Variants in RUNX2 observed in about 807,000 individuals in gnomAD.
RUNX2 encodes runt-related transcription factor 2.
Under a neutral mutation model 51.7 loss-of-function variants are expected in RUNX2, and 10 were observed. That is an observed-to-expected ratio of 0.19 (90% CI 0.12 to 0.33). RUNX2 has a LOEUF of 0.33. RUNX2 is among the 10% of genes least tolerant of loss of function. The probability of loss-of-function intolerance (pLI) is 1.00; values close to 1 mark genes in which losing one functional copy is unlikely to be tolerated. For missense variants in RUNX2, 562 were observed against 691.3 expected (o/e 0.81, Z 2.10); for synonymous variants, 276 against 273.6 (o/e 1.01, Z -0.09).
intron 2 of RUNX2, among the ~76,000 whole-genome samples, chr6:45,408,228 T>C (rs1212226228): frequency 3.3e-5 from 5 of 151,918 alleles, no homozygotes; most frequent in African/African-American, 9.7e-5. Context: ...TGTAGTGGCA[T>C]GGAGGCCAGG....
chr6:45,496,994 A>G (rs2150410679), intron 6 of RUNX2, among the ~76,000 whole-genome samples: 1 of 152,260 alleles, frequency 6.6e-6, no homozygotes, highest in African/African-American at 2.4e-5. Context: ...TGGTGGTGCC[A>G]TTCACTGATG....
chr6:45,463,706 T>C (rs1339877493), intron 5 of RUNX2, among the ~76,000 whole-genome samples: 1 of 152,222 alleles, frequency 6.6e-6, no homozygotes, highest in Admixed American at 6.5e-5. Context: ...CTGGAAAGAA[T>C]AGGGTATCTC....
intron 2 of RUNX2, among the ~76,000 whole-genome samples, chr6:45,374,479 C>G (rs1172094424): frequency 6.6e-6 from 1 of 152,134 alleles, no homozygotes; most frequent in African/African-American, 2.4e-5. Context: ...AGCAGCAGAG[C>G]GAGAACTCAA....
At chr6:45,420,011 C>T (rs566031858) in intron 2 of RUNX2, among the ~76,000 whole-genome samples, 1 of 152,000 alleles carries the variant, frequency 6.6e-6, no homozygotes, top group Non-Finnish European at 1.5e-5. Flanking sequence ...GAAAGACCGA[C>T]GAGGGAGGCG....
At chr6:45,497,825 G>C (rs1225361186) in intron 6 of RUNX2, among the ~76,000 whole-genome samples, 4 of 152,324 alleles carry the variant, frequency 2.6e-5, no homozygotes, top group Middle Eastern at 3.4e-3. Context: ...TTGGTTCGGT[G>C]ATCAGTGAAT....
At chr6:45,340,351 T>C (rs1186839545) in intron 2 of RUNX2, among the ~76,000 whole-genome samples, 4 of 152,026 alleles carry the variant, frequency 2.6e-5, no homozygotes, top group African/African-American at 9.7e-5. Context: ...CAAGACAAGG[T>C]CTCACTCTGT....
At chr6:45,387,128 A>C (rs112728659) in intron 2 of RUNX2, among the ~76,000 whole-genome samples, 1 of 152,188 alleles carries the variant, frequency 6.6e-6, no homozygotes, top group East Asian at 1.9e-4. Context: ...TGAGGATAGA[A>C]GTAAGGCAAA....
At chr6:45,493,372 A>G (rs189880022) in intron 6 of RUNX2, among the ~76,000 whole-genome samples, 6 of 152,328 alleles carry the variant, frequency 3.9e-5, no homozygotes, top group African/African-American at 1.2e-4. Flanking sequence ...TGAAAGGTCA[A>G]TGTGTTCACT....
At chr6:45,460,083 A>G (rs1799428213) in intron 5 of RUNX2, among the ~76,000 whole-genome samples, 1 of 152,204 alleles carries the variant, frequency 6.6e-6, no homozygotes, top group Non-Finnish European at 1.5e-5. Context: ...TAGGAGCTAG[A>G]CCATGAGTTG....
In RUNX2 at chr6:45,365,236, C is replaced by T. The variant is rs139763589; in HGVS notation, c.58+36452C>T. 1.4e-4 allele frequency: 227 copies of T among 1,612,086 alleles called. 1 individual carries two copies. The African/African-American group carries it at 2.7e-3, about 19-fold the overall frequency. On this transcript the variant is annotated intron_variant, in intron 2 of 8. Transcript: ENST00000647337. Reference sequence around the variant, plus strand: ...GTAATTCTGTTGCAAAGCTTATAGACTTCCCTGTACTCCTTCCACTACTTG... The same window carrying T: ...GTAATTCTGTTGCAAAGCTTATAGATTTCCCTGTACTCCTTCCACTACTTG...
At chr6:45,434,194 C>T (rs1409706757) in intron 4 of RUNX2, among the ~76,000 whole-genome samples, 1 of 152,062 alleles carries the variant, frequency 6.6e-6, no homozygotes, top group African/African-American at 2.4e-5. Flanking sequence ...TAACAGATCA[C>T]ACTCTGAAAA....
At chr6:45,542,490 T>C (rs1230700962) in intron 7 of RUNX2, among the ~76,000 whole-genome samples, 1 of 152,150 alleles carries the variant, frequency 6.6e-6, no homozygotes, top group African/African-American at 2.4e-5. Flanking sequence ...ATGAAATGCA[T>C]CTGTAGGAAG....
chr6:45,335,518 A>AT (rs1353610673), intron 2 of RUNX2, among the ~76,000 whole-genome samples: 2 of 151,358 alleles, frequency 1.3e-5, no homozygotes, highest in African/African-American at 2.4e-5. Context: ...ATTAAAATAC[A>AT]TTTTTTTAGA....
chr6:45,521,374 G>A (rs2150430286), intron 7 of RUNX2, among the ~76,000 whole-genome samples: 1 of 152,298 alleles, frequency 6.6e-6, no homozygotes, highest in South Asian at 2.1e-4. Context: ...TTTGCAATAT[G>A]TTTCATATTT....
intron 7 of RUNX2, among the ~76,000 whole-genome samples, chr6:45,516,906 T>G (rs573524370): frequency 2.0e-5 from 3 of 151,572 alleles, no homozygotes; most frequent in South Asian, 2.1e-4. Flanking sequence ...TGAGGCTGAT[T>G]GTTTGGGTCA....
chr6:45,397,781 A>G (rs1282593319), intron 2 of RUNX2, among the ~76,000 whole-genome samples: 1 of 152,240 alleles, frequency 6.6e-6, no homozygotes, highest in Non-Finnish European at 1.5e-5. Context: ...TGAATTTGAT[A>G]TTTTATGCAA....
rs34040641 is a variant in RUNX2, at chr6:45,491,622, G to GTTTTT, written c.686-300_686-296dup. 1.7e-3 allele frequency among the ~76,000 whole-genome samples: 161 copies of GTTTTT among 93,196 alleles called. 2 individuals carry two copies. Among genetic ancestry groups the GTTTTT allele is most frequent in the Non-Finnish European group, 2.0e-3 (93 of 47,480 alleles). The allele number at this position is 93,196 out of a possible 152,430, so 61.1% of individuals were successfully genotyped here. On this transcript the variant is annotated intron_variant, in intron 5 of 8. Coordinates refer to ENST00000647337, the MANE Select transcript of RUNX2 (RefSeq NM_001024630.4). ...CCCCCAATACACATCTCTCCTGTTTGTTTTTTTTTTTTTTTTTTTTTTTAC... is the reference window on the plus strand; with the variant it reads ...CCCCCAATACACATCTCTCCTGTTTGTTTTTTTTTTTTTTTTTTTTTTTTTTTTAC...
chr6:45,389,957 G>T (rs1249751272), intron 2 of RUNX2, among the ~76,000 whole-genome samples: 1 of 151,296 alleles, frequency 6.6e-6, no homozygotes, highest in Non-Finnish European at 1.5e-5. Flanking sequence ...AGTGAGCCGA[G>T]ATTGAACCAG....
chr6:45,485,716 T>TAC lies in RUNX2; in HGVS notation c.686-6221_686-6220dup, dbSNP rs373930889. ...GTGTGTGTATATATATATATATATA[T>TAC]ACACATATTTAGCATCATCTTATCT... is the stretch of plus-strand genomic sequence containing the variant. On this transcript the variant is annotated intron_variant, in intron 5 of 8. Coordinates refer to ENST00000647337, the MANE Select transcript of RUNX2 (RefSeq NM_001024630.4). Among the ~76,000 whole-genome samples the TAC allele has an allele frequency of 3.5e-4, 44 of 126,516 alleles. 1 individual carries two copies. In the Middle Eastern group the frequency reaches 0.012, roughly 35 times the overall value. 83.0% of individuals were successfully genotyped at this position (126,516 alleles called of 152,430 possible).
Sources: gnomAD v4.1 joint callset for allele counts (sites outside exome capture counted in the v4.1 genomes callset) on GRCh38, gnomAD v4.1.1 for gene constraint, MANE v1.5 for transcripts, NCBI Gene and HGNC (gene_info 2026-07-23, HGNC 2026-07-21) for gene names.